FUNDC1: variants seen among roughly 807,000 people sequenced by gnomAD.
The protein encoded by FUNDC1 is FUN14 domain-containing protein 1.
Under a neutral mutation model 14.5 loss-of-function variants are expected in FUNDC1, and 10 were observed. The observed-to-expected ratio is 0.69, with a 90% confidence interval of 0.43 to 1.17. FUNDC1 has a LOEUF of 1.17. Ranked by LOEUF, FUNDC1 falls within the 50% of genes most tolerant of loss-of-function variation. FUNDC1 has a pLI of 0.00. For synonymous variants in FUNDC1, 33 were observed against 39.7 expected (o/e 0.83, Z 0.64); for missense variants, 115 against 113.8 (o/e 1.01, Z -0.05).
intron 3 of FUNDC1, among the ~76,000 whole-genome samples, chrX:44,534,530 C>G (rs947940200): frequency 1.8e-5 from 2 of 109,057 alleles, no homozygotes; most frequent in African/African-American, 6.7e-5. Context: ...TGAAAATAGG[C>G]CCACAGTAAG....
intron 3 of FUNDC1, among the ~76,000 whole-genome samples, chrX:44,536,759 G>A (rs780232033): frequency 9.0e-6 from 1 of 111,532 alleles, no homozygotes; most frequent in South Asian, 3.8e-4. Context: ...TAGTGAGAGA[G>A]GTGGAGGATT....
At chrX:44,542,747 G>T in intron 1 of FUNDC1, 58 bp downstream of exon 1, 5 of 1,099,251 alleles carry the variant, frequency 4.5e-6, no homozygotes, top group Non-Finnish European at 6.1e-6. Flanking sequence ...TGCCATAGGA[G>T]CAAGGTCGAG....
chrX:44,540,728 A>G lies in FUNDC1; in HGVS notation c.185+1217T>C, dbSNP rs1360010350. On this transcript the variant is annotated intron_variant, in intron 2 of 4. Transcript: ENST00000378045. ...CAATTATTTTTGAGTCTGTTTTAAGACTGGGCTTTAGGCCCTGACTGACAT... is the reference window on the plus strand; with the variant it reads ...CAATTATTTTTGAGTCTGTTTTAAGGCTGGGCTTTAGGCCCTGACTGACAT... Among the ~76,000 whole-genome samples the G allele has an allele frequency of 2.7e-5, 3 of 112,017 alleles. No homozygotes were observed. The East Asian group carries it at 8.3e-4, about 31-fold the overall frequency.
In FUNDC1 at chrX:44,525,066, A is replaced by T. The variant is rs771805476; in HGVS notation, c.391-791T>A. 2.7e-5 allele frequency among the ~76,000 whole-genome samples: 3 copies of T among 112,067 alleles called. No homozygotes were observed. The South Asian group carries it at 1.1e-3, about 42-fold the overall frequency. ...TAAAATCATGAGGAAGCCATCAGAC[A>T]AAGCCAGACTGTGGGATATTCTGCC... On this transcript the variant is annotated intron_variant, in intron 4 of 4. Transcript: ENST00000378045.
chrX:44,524,234 T>C lies in FUNDC1; in HGVS notation c.432A>G (p.Gly144=). The change falls in exon 5 of 5, where the codon GGA becomes GGG. Residue 144 remains glycine (G), a synonymous_variant. Coordinates refer to ENST00000378045, the MANE Select transcript of FUNDC1 (RefSeq NM_173794.4). ...FIKQNIVISS[G]FVGGFLLGLA... is the part of the protein sequence containing the mutation. ...GTCCGAGCAAAAAGCCTCCCACAAA[T>C]CCACTGGATATCACAATGTTCTGCT... 1.7e-6 allele frequency: 2 copies of C among 1,206,240 alleles called. No individual in the cohort carries two copies. The highest frequency in any genetic ancestry group is 2.2e-6 in the Non-Finnish European group (2 of 890,967).
chrX:44,538,307 G>T (rs1465733674), intron 3 of FUNDC1, among the ~76,000 whole-genome samples, 160 bp downstream of exon 3: 1 of 112,354 alleles, frequency 8.9e-6, no homozygotes, highest in Non-Finnish European at 1.9e-5. Context: ...TAATAGCTGG[G>T]ATCAAACTAT....
At chrX:44,525,719 C>T (rs745958192) in intron 4 of FUNDC1, among the ~76,000 whole-genome samples, 12 of 108,726 alleles carry the variant, frequency 1.1e-4, no homozygotes, top group African/African-American at 3.7e-4. Flanking sequence ...TGGGCATGCA[C>T]CTGTAGTCCC....
At chrX:44,529,377 T>C (rs1051164182) in intron 3 of FUNDC1, among the ~76,000 whole-genome samples, 6 of 111,321 alleles carry the variant, frequency 5.4e-5, no homozygotes, top group African/African-American at 2.0e-4. Context: ...TGGGGGAAAA[T>C]GTCAAACAGT....
At chrX:44,527,401 C>A (rs1365552206) in intron 3 of FUNDC1, 36 bp from the exon 4 acceptor site, 1 of 1,069,076 alleles carries the variant, frequency 9.4e-7, no homozygotes, top group Non-Finnish European at 1.3e-6. Flanking sequence ...CAATACTATA[C>A]CAACTAGGTT....
At chrX:44,525,433 C>G (rs1432562165) in intron 4 of FUNDC1, among the ~76,000 whole-genome samples, 2 of 109,114 alleles carry the variant, frequency 1.8e-5, no homozygotes, top group Non-Finnish European at 3.8e-5. Flanking sequence ...AAGAGATCCT[C>G]CTGCCTCAGC....
intron 1 of FUNDC1, 72 bp from the exon 2 acceptor site, chrX:44,542,173 T>A (rs983449925): frequency 1.2e-6 from 1 of 822,974 alleles, no homozygotes; most frequent in South Asian, 2.6e-5. Context: ...TACATCTTTT[T>A]AAAAATCTGT....
chrX:44,527,198 GAA>G (rs762914655), intron 4 of FUNDC1, 37 bp downstream of exon 4: 1,652 of 849,571 alleles, frequency 1.9e-3, no homozygotes, highest in Middle Eastern at 3.7e-3. Context: ...CCAAAAAAAG[GAA>G]AAAAAAAAAA....
intron 3 of FUNDC1, among the ~76,000 whole-genome samples, chrX:44,536,022 C>A (rs1339535058): frequency 5.7e-5 from 6 of 105,625 alleles, no homozygotes; most frequent in Non-Finnish European, 1.2e-4. Context: ...AGAAATAATC[C>A]CGGCCGCCCG....
intron 3 of FUNDC1, among the ~76,000 whole-genome samples, chrX:44,532,603 C>A (rs1319461533): frequency 4.7e-5 from 5 of 105,944 alleles, no homozygotes; most frequent in African/African-American, 6.9e-5. Flanking sequence ...CCCAGGCTGG[C>A]GTGCAATGAC....
chrX:44,526,402 C>T (rs1385967478), intron 4 of FUNDC1, among the ~76,000 whole-genome samples: 1 of 107,536 alleles, frequency 9.3e-6, no homozygotes, highest in Non-Finnish European at 1.9e-5. Context: ...TGCACTCCAG[C>T]CTGGGCTACA....
At chrX:44,533,715 T>C (rs2038936476) in intron 3 of FUNDC1, among the ~76,000 whole-genome samples, 1 of 101,149 alleles carries the variant, frequency 9.9e-6, no homozygotes, top group South Asian at 4.2e-4. Context: ...TTAAAAAAGA[T>C]ACTGCTCACT....
intron 3 of FUNDC1, among the ~76,000 whole-genome samples, chrX:44,528,077 G>A (rs2038909117): frequency 1.8e-5 from 2 of 111,701 alleles, no homozygotes; most frequent in Admixed American, 1.9e-4. Context: ...AACAGTGTGT[G>A]TGCAAGCCAG....
At chrX:44,535,904 T>G (rs924726854) in intron 3 of FUNDC1, among the ~76,000 whole-genome samples, 18 of 106,259 alleles carry the variant, frequency 1.7e-4, no homozygotes, top group Non-Finnish European at 2.9e-4. Context: ...GAGAATCGCT[T>G]GAACCCAGGA....
In FUNDC1 at chrX:44,538,538, C is replaced by T. The variant is rs765251710; in HGVS notation, c.190G>A (p.Ala64Thr). The T allele has an allele frequency of 1.7e-6, 2 of 1,192,942 alleles. No individual in the cohort carries two copies. Among genetic ancestry groups the T allele is most frequent in the South Asian group, 3.5e-5 (2 of 56,478 alleles). The change falls in exon 3 of 5, where the codon GCA (alanine) becomes ACA (threonine). Residue 64 changes from alanine (A) to threonine (T), a missense_variant. Transcript: ENST00000378045. The part of the protein sequence containing the change: ...IVMGGVTGWC[A>T]GFLFQKVGKL... ...CCAACTTTCTGGAACAGAAATCCTG[C>T]ACACCTTTAATCAAATAACAAAAGA...
Sources: gnomAD v4.1 joint callset for allele counts (sites outside exome capture counted in the v4.1 genomes callset) on GRCh38, gnomAD v4.1.1 for gene constraint, MANE v1.5 for transcripts, NCBI Gene and HGNC (gene_info 2026-07-23, HGNC 2026-07-21) for gene names.